Variants in AGK observed in about 807,000 individuals in gnomAD.
AGK encodes acylglycerol kinase, mitochondrial.
AGK carries 52 observed loss-of-function variants against 66.4 expected under a neutral mutation model. The observed-to-expected ratio is 0.78, with a 90% CI of 0.63 to 0.99. The LOEUF (loss-of-function observed/expected upper bound fraction) is 0.99. Among genes scored for constraint, AGK ranks in the 50% least tolerant of loss-of-function variants. AGK has a pLI of 0.00. For synonymous variants in AGK, 182 were observed against 181.1 expected, an observed-to-expected ratio of 1.00 and a Z score of -0.04; for missense variants, 451 against 506.6, an observed-to-expected ratio of 0.89 and a Z score of 1.05.
chr7:141,561,504 A>G (rs1490867562), intron 2 of AGK, among the ~76,000 whole-genome samples: 1 of 150,816 alleles, frequency 6.6e-6, no homozygotes. Flanking sequence ...TTTAATTTGC[A>G]TTTCCCTGAT....
At chr7:141,558,462 G>T (rs1030442065) in intron 2 of AGK, among the ~76,000 whole-genome samples, 1 of 151,936 alleles carries the variant, frequency 6.6e-6, no homozygotes, top group Non-Finnish European at 1.5e-5. Flanking sequence ...ACTGCGCCTG[G>T]CCTATATTAT....
At chr7:141,614,645 A>G (rs1451384249) in intron 7 of AGK, among the ~76,000 whole-genome samples, 1 of 151,332 alleles carries the variant, frequency 6.6e-6, no homozygotes, top group Non-Finnish European at 1.5e-5. Context: ...TGGTTAATGG[A>G]TGCTTAAATA....
intron 3 of AGK, chr7:141,593,638 G>T (rs539996717): frequency 2.0e-6 from 1 of 497,032 alleles, no homozygotes. Context: ...TCCATATCAT[G>T]TACACTGTTA....
At chr7:141,597,274 G>A (rs1796246726) in intron 4 of AGK, 1 of 152,338 alleles carries the variant, frequency 6.6e-6, no homozygotes, top group Non-Finnish European at 1.5e-5. Context: ...GATCATGGCA[G>A]TTCATTGATT....
At chr7:141,652,591 T>G (rs1453071969) in intron 15 of AGK, 196 bp from the exon 16 acceptor site, 6 of 453,444 alleles carry the variant, frequency 1.3e-5, no homozygotes, top group African/African-American at 1.2e-4. Flanking sequence ...GATGGTAGAA[T>G]TAGGATGTTT....
At chr7:141,581,245 A>C (rs952857467) in intron 2 of AGK, among the ~76,000 whole-genome samples, 1 of 151,966 alleles carries the variant, frequency 6.6e-6, no homozygotes, top group African/African-American at 2.4e-5. Flanking sequence ...TGTCAGGGTC[A>C]GTCCAAGTGA....
chr7:141,560,851 C>T (rs1211617119), intron 2 of AGK, among the ~76,000 whole-genome samples: 2 of 142,080 alleles, frequency 1.4e-5, no homozygotes, highest in African/African-American at 2.6e-5. Context: ...GGCTGGAGTG[C>T]AGTGGCACGA....
chr7:141,556,765 C>T (rs1795219040), intron 2 of AGK, among the ~76,000 whole-genome samples: 1 of 152,126 alleles, frequency 6.6e-6, no homozygotes, highest in Non-Finnish European at 1.5e-5. Flanking sequence ...ATTTGTTCCT[C>T]CATCCCCTGT....
intron 11 of AGK, among the ~76,000 whole-genome samples, chr7:141,637,318 A>G (rs958651583): frequency 2.0e-5 from 3 of 152,118 alleles, no homozygotes; most frequent in African/African-American, 4.8e-5. Context: ...ACATAATGAC[A>G]TATTCTTCAG....
rs1353218988 is a variant in AGK, at chr7:141,598,249, C to A, written c.221+1608C>A. Among the ~76,000 whole-genome samples, 2 of 152,186 alleles carry A rather than the reference C, an allele frequency of 1.3e-5. No individual in the cohort carries two copies. Among genetic ancestry groups the A allele is most frequent in the Non-Finnish European group, 2.9e-5 (2 of 68,026 alleles). On this transcript the variant is annotated intron_variant, in intron 4 of 15. Coordinates refer to ENST00000649286, the MANE Select transcript of AGK (RefSeq NM_018238.4). This position sits in a 1 kb window ranked among gnomAD's most constrained non-coding sequence, Gnocchi z 4.2. ...TGGGCTTTGTTAGAGCCGCTTCCCT[C>A]CCCCATAAACGCACCAGTCATAATG...
At chr7:141,626,105 C>T (rs753967848) in intron 9 of AGK, among the ~76,000 whole-genome samples, 7 of 152,096 alleles carry the variant, frequency 4.6e-5, no homozygotes, top group Non-Finnish European at 8.8e-5. Flanking sequence ...ATAGCCAAGG[C>T]GCTGTGAAGG....
At chr7:141,591,018 AAAC>A (rs1200550696) in intron 2 of AGK, among the ~76,000 whole-genome samples, 3 of 151,550 alleles carry the variant, frequency 2.0e-5, no homozygotes, top group Non-Finnish European at 4.4e-5. Context: ...CTTTGTTATC[AAAC>A]AACATCAGCT....
chr7:141,621,088 G>T (rs1199170144), intron 8 of AGK, among the ~76,000 whole-genome samples: 1 of 152,116 alleles, frequency 6.6e-6, no homozygotes. Context: ...CCTAATCATC[G>T]AACCTAATCA....
At chr7:141,620,222 G>A (rs780160183) in intron 8 of AGK, among the ~76,000 whole-genome samples, 1 of 152,192 alleles carries the variant, frequency 6.6e-6, no homozygotes, top group Non-Finnish European at 1.5e-5. Context: ...TTCTTGGGAT[G>A]TTGAAAATGT....
Position 141,652,932 on chromosome 7 carries a change from A to C in AGK, c.*8A>C, listed in dbSNP as rs750682141. ...ACAAGCCCCACCCAGTGAGCAGCAG[A>C]AGACAAGCACTCTGAGACCACACTT... On this transcript the variant is annotated 3_prime_UTR_variant, in exon 16 of 16. Transcript: ENST00000649286. 6.2e-7 allele frequency: 1 copy of C among 1,613,762 alleles called. No individual in the cohort carries two copies. The highest frequency in any genetic ancestry group is 1.1e-5 in the South Asian group (1 of 91,070).
chr7:141,558,289 C>T (rs1174341033), intron 2 of AGK, among the ~76,000 whole-genome samples: 1 of 151,506 alleles, frequency 6.6e-6, no homozygotes, highest in African/African-American at 2.4e-5. Context: ...TCCCAAGCAG[C>T]TGGGACTACA....
chr7:141,621,634 A>G, intron 8 of AGK, 98 bp from the exon 9 acceptor site: 1 of 764,570 alleles, frequency 1.3e-6, no homozygotes, highest in Admixed American at 2.0e-5. Flanking sequence ...GAGAGAGAAT[A>G]TGTGTGTGTG....
At chr7:141,576,235 T>C (rs1795734868) in intron 2 of AGK, among the ~76,000 whole-genome samples, 1 of 151,976 alleles carries the variant, frequency 6.6e-6, no homozygotes, top group Non-Finnish European at 1.5e-5. Flanking sequence ...AGCAAGGCAA[T>C]TTTTACTTCT....
At chr7:141,604,374 G>GTATATATA (rs368893843) in intron 5 of AGK, among the ~76,000 whole-genome samples, 13,116 of 113,386 alleles carry the variant, frequency 0.12, 902 homozygotes, top group East Asian at 0.18. Context: ...GTGTGTGTGT[G>GTATATATA]TATATATATA....
Sources: gnomAD v4.1 joint callset for allele counts (sites outside exome capture counted in the v4.1 genomes callset) on GRCh38, gnomAD v4.1.1 for gene constraint, Gnocchi (gnomAD v3.1) non-coding constraint, MANE v1.5 for transcripts, NCBI Gene and HGNC (gene_info 2026-07-23, HGNC 2026-07-21) for gene names.